Variants in RAB6A observed in about 807,000 individuals in gnomAD.
RAB6A encodes the protein ras-related protein Rab-6A.
A neutral mutation model predicts 32.3 loss-of-function variants in RAB6A; 8 were observed. The ratio of observed to expected loss-of-function variants is 0.25; its 90% CI spans 0.15 to 0.45. The LOEUF (loss-of-function observed/expected upper bound fraction) is 0.45. RAB6A is among the 20% of genes least tolerant of loss of function. The pLI, the probability that RAB6A is intolerant of heterozygous loss-of-function variation, is 1.00. For synonymous variants in RAB6A, 73 were observed against 82.1 expected, an observed-to-expected ratio of 0.89 and a Z score of 0.60; for missense variants, 104 against 249.4, an observed-to-expected ratio of 0.42 and a Z score of 3.93.
chr11:73,716,768 G>C (rs1235569372), intron 4 of RAB6A, among the ~76,000 whole-genome samples: 1 of 152,208 alleles, frequency 6.6e-6, no homozygotes, highest in African/African-American at 2.4e-5. Context: ...ATGTCAGCCA[G>C]TAAGTCCCAA....
chr11:73,752,779 C>A (rs1403953554), intron 1 of RAB6A, among the ~76,000 whole-genome samples: 1 of 150,594 alleles, frequency 6.6e-6, no homozygotes, highest in East Asian at 2.0e-4. Flanking sequence ...GATTGCACCA[C>A]TGCACTCAAG....
At chr11:73,688,885 C>T (rs1945500858) in intron 6 of RAB6A, among the ~76,000 whole-genome samples, 1 of 152,150 alleles carries the variant, frequency 6.6e-6, no homozygotes, top group African/African-American at 2.4e-5. Flanking sequence ...AATCCCAGCA[C>T]TTTGGGAAGC....
At chr11:73,686,792 C>T (rs1009974053) in intron 6 of RAB6A, among the ~76,000 whole-genome samples, 3 of 151,988 alleles carry the variant, frequency 2.0e-5, no homozygotes, top group African/African-American at 7.3e-5. Context: ...ACATATCTAC[C>T]TATTTTCATT....
At chr11:73,707,271 C>T in intron 6 of RAB6A, 149 bp downstream of exon 6, 1 of 560,268 alleles carries the variant, frequency 1.8e-6, no homozygotes, top group South Asian at 2.9e-5. Flanking sequence ...AAAAACTATG[C>T]CACATTTATA....
At chr11:73,679,268 C>T (rs1945317165) in intron 7 of RAB6A, among the ~76,000 whole-genome samples, 2 of 152,278 alleles carry the variant, frequency 1.3e-5, no homozygotes, top group Admixed American at 6.5e-5. Context: ...AATAAAGCTC[C>T]ACTCTATTTC....
intron 6 of RAB6A, among the ~76,000 whole-genome samples, chr11:73,686,127 T>C (rs1945452227): frequency 6.6e-6 from 1 of 152,166 alleles, no homozygotes; most frequent in African/African-American, 2.4e-5. Flanking sequence ...TTTAAAAATA[T>C]TACAGCAGAG....
Position 73,707,502 on chromosome 11 carries a change from A to G in RAB6A, c.413T>C (p.Ile138Thr). Residue 138 changes from isoleucine to threonine, a missense_variant, in exon 6 of 8, where the codon ATT (isoleucine) becomes ACT (threonine). Ile to Thr is a moderately conservative substitution (Grantham distance 89). This residue lies in a region of RAB6A where 21 missense variants were observed against 18.2 expected (regional missense o/e 1.15). Coordinates refer to ENST00000336083, the MANE Select transcript of RAB6A (RefSeq NM_198896.2). ...TDLADKRQVS[I>T]EEGERKAKEL... Reference sequence around the variant, plus strand: ...TTTGGCTTTCCTCTCTCCCTCCTCAATTGACACTTGCCTGTAAAGAAACAA... The same window carrying G: ...TTTGGCTTTCCTCTCTCCCTCCTCAGTTGACACTTGCCTGTAAAGAAACAA... The G allele has an allele frequency of 1.2e-6, 2 of 1,610,990 alleles. No individual in the cohort carries two copies. The highest frequency in any genetic ancestry group is 1.7e-6 in the Non-Finnish European group (2 of 1,177,310).
intron 6 of RAB6A, among the ~76,000 whole-genome samples, chr11:73,689,275 A>G (rs1945507604): frequency 6.6e-6 from 1 of 152,122 alleles, no homozygotes; most frequent in Admixed American, 6.6e-5. Flanking sequence ...AAACTGTTCC[A>G]CCTGTGATTT....
intron 6 of RAB6A, among the ~76,000 whole-genome samples, chr11:73,685,286 CT>C (rs750488240): frequency 0.049 from 5,701 of 117,098 alleles, 42 homozygotes; most frequent in Middle Eastern, 0.086. Flanking sequence ...TATAGAAAGT[CT>C]TTTTTTTTTT....
At chr11:73,705,767 TGAGAGAGAGAGAGAGA>T (rs3046616) in intron 6 of RAB6A, among the ~76,000 whole-genome samples, 2 of 134,728 alleles carry the variant, frequency 1.5e-5, no homozygotes, top group Admixed American at 7.6e-5. Context: ...ATAATTCCGA[TGAGAGAGAGAGAGAGA>T]GAGAGAGAGA....
In RAB6A at chr11:73,710,442, AAC is replaced by A. The variant is rs988316723; in HGVS notation, c.402-2931_402-2930del. 5.9e-5 allele frequency among the ~76,000 whole-genome samples: 9 copies of A among 151,738 alleles called. No homozygotes were observed. The South Asian group carries it at 6.2e-4, about 11-fold the overall frequency. Reference sequence around the variant, plus strand: ...CATCATCACCAACATGTTTACTAAAAACAGTTAAGATCTAGCCGGGTGTGGTG... The same window carrying A: ...CATCATCACCAACATGTTTACTAAAAAGTTAAGATCTAGCCGGGTGTGGTG... On this transcript the variant is annotated intron_variant, in intron 5 of 7. Coordinates refer to ENST00000336083, the MANE Select transcript of RAB6A (RefSeq NM_198896.2).
chr11:73,718,552 A>G, intron 4 of RAB6A, 61 bp downstream of exon 4: 2 of 1,350,174 alleles, frequency 1.5e-6, no homozygotes, highest in Non-Finnish European at 2.1e-6. Context: ...AGACAAGAAC[A>G]TGCATGCAGC....
At chr11:73,755,355 A>G (rs1187531257) in intron 1 of RAB6A, among the ~76,000 whole-genome samples, 1 of 147,418 alleles carries the variant, frequency 6.8e-6, no homozygotes, top group African/African-American at 2.5e-5. Context: ...GCGCAGTGGC[A>G]CGATCTTGGC....
chr11:73,715,109 C>A (rs1946033482), intron 5 of RAB6A, among the ~76,000 whole-genome samples: 2 of 152,044 alleles, frequency 1.3e-5, no homozygotes, highest in Admixed American at 1.3e-4. Flanking sequence ...TTAAGAAAGA[C>A]TTTTTTGCAA....
chr11:73,728,633 A>AT (rs1417640745), intron 2 of RAB6A, among the ~76,000 whole-genome samples: 1 of 147,858 alleles, frequency 6.8e-6, no homozygotes, highest in African/African-American at 2.5e-5. Flanking sequence ...AATAATAATA[A>AT]TAATAATAAT....
chr11:73,688,314 T>C lies in RAB6A; in HGVS notation c.496-8594A>G, dbSNP rs557242737. Among the ~76,000 whole-genome samples, 12 of 152,352 alleles carry C rather than the reference T, an allele frequency of 7.9e-5. No individual in the cohort carries two copies. In the East Asian group the frequency reaches 2.3e-3, roughly 29 times the overall value. ...GGTCTGCTGAACTCTGGATCTAGGC[T>C]GGGTCAGTAGGGCTGTGCAGTGCCT... On this transcript the variant is annotated intron_variant, in intron 6 of 7. Transcript: ENST00000336083.
intron 6 of RAB6A, among the ~76,000 whole-genome samples, chr11:73,699,695 A>G (rs1945711241): frequency 6.6e-6 from 1 of 152,142 alleles, no homozygotes; most frequent in South Asian, 2.1e-4. Context: ...CAATATCATA[A>G]GTTTCTTGAA....
chr11:73,718,899 T>C (rs756077165), intron 3 of RAB6A, 181 bp from the exon 4 acceptor site: 65 of 1,558,984 alleles, frequency 4.2e-5, no homozygotes, highest in Middle Eastern at 3.4e-4. Flanking sequence ...ATCTGTGAGA[T>C]GGGAAAAAAT....
intron 2 of RAB6A, among the ~76,000 whole-genome samples, chr11:73,725,028 G>C (rs1416931814): frequency 6.6e-6 from 1 of 152,198 alleles, no homozygotes; most frequent in African/African-American, 2.4e-5. Flanking sequence ...CTTTAGCACA[G>C]TTAGGGATTG....
Sources: gnomAD v4.1 joint callset for allele counts (sites outside exome capture counted in the v4.1 genomes callset) on GRCh38, gnomAD v4.1.1 for gene constraint, gnomAD v4.1.1 regional missense constraint, MANE v1.5 for transcripts, NCBI Gene and HGNC (gene_info 2026-07-23, HGNC 2026-07-21) for gene names.